CPA6: variants seen among roughly 807,000 people sequenced by gnomAD.
CPA6 encodes carboxypeptidase A6, also known as carboxypeptidase B.
A neutral mutation model predicts 63.3 loss-of-function variants in CPA6; 58 were observed. That is an observed-to-expected ratio of 0.92 (90% confidence interval 0.74 to 1.14). The LOEUF (loss-of-function observed/expected upper bound fraction) is 1.14, where lower values mean the gene tolerates loss of function less well. Among genes scored for constraint, CPA6 ranks in the 50% most tolerant of loss-of-function variants. The probability of loss-of-function intolerance (pLI) is 0.00; values close to 1 mark genes in which losing one functional copy is unlikely to be tolerated. For synonymous variants in CPA6, 185 were observed against 179.0 expected, an observed-to-expected ratio of 1.03 and a Z score of -0.27; for missense variants, 565 against 526.6, an observed-to-expected ratio of 1.07 and a Z score of -0.71.
intron 2 of CPA6, among the ~76,000 whole-genome samples, chr8:67,593,135 A>G (rs376575948): frequency 4.7e-5 from 7 of 150,322 alleles, no homozygotes; most frequent in South Asian, 2.2e-4. Context: ...CCTTCATTTC[A>G]TTATGTACCC....
chr8:67,686,963 T>C (rs1816720623), intron 1 of CPA6, among the ~76,000 whole-genome samples: 1 of 152,182 alleles, frequency 6.6e-6, no homozygotes, highest in Non-Finnish European at 1.5e-5. Flanking sequence ...TGCCAGGTAA[T>C]GGATACCCAC....
chr8:67,522,824 G>C (rs1477953946), intron 2 of CPA6, among the ~76,000 whole-genome samples: 1 of 152,234 alleles, frequency 6.6e-6, no homozygotes. Context: ...GATGCAGTGG[G>C]CAGGCGTGGG....
At chr8:67,431,717 G>A (rs1810031987) in intron 9 of CPA6, among the ~76,000 whole-genome samples, 1 of 151,800 alleles carries the variant, frequency 6.6e-6, no homozygotes, top group Non-Finnish European at 1.5e-5. Flanking sequence ...AAGTATATTT[G>A]ACCTGCAGAG....
At chr8:67,595,593 G>T (rs972910202) in intron 2 of CPA6, among the ~76,000 whole-genome samples, 2 of 152,178 alleles carry the variant, frequency 1.3e-5, no homozygotes, top group South Asian at 4.1e-4. Context: ...AATGGCGGGC[G>T]CCCCTCCCCC....
At chr8:67,653,380 A>C (rs1030891495) in intron 1 of CPA6, among the ~76,000 whole-genome samples, 25 of 152,020 alleles carry the variant, frequency 1.6e-4, no homozygotes, top group Non-Finnish European at 3.2e-4. Flanking sequence ...ACGAGCATGG[A>C]ATGTTCTTCC....
In CPA6 at chr8:67,746,203, AC is replaced by A. The variant is rs1245225987; in HGVS notation, c.-75del. 1.3e-5 allele frequency: 13 copies of A among 1,012,536 alleles called. No homozygotes were observed. The highest frequency in any genetic ancestry group is 1.8e-5 in the Non-Finnish European group (12 of 677,876). The allele number at this position is 1,012,536 out of a possible 1,614,324, so 62.7% of individuals were successfully genotyped here. A position where few individuals can be genotyped will look rare whatever the true frequency, so the allele number is the denominator to read the frequency against. On this transcript the variant is annotated 5_prime_UTR_variant, in exon 1 of 11. Transcript: ENST00000297770. Reference sequence around the variant, plus strand: ...CTGGAGGTGGCTCACAGCACCCTCTACACACCGCACAGGTTCTCCGGGAAGG... The same window carrying A: ...CTGGAGGTGGCTCACAGCACCCTCTAACACCGCACAGGTTCTCCGGGAAGG...
chr8:67,498,470 A>G (rs1321283172), intron 6 of CPA6, among the ~76,000 whole-genome samples: 2 of 135,926 alleles, frequency 1.5e-5, no homozygotes, highest in Non-Finnish European at 3.1e-5. Context: ...TGGAAGGCAG[A>G]GGTTGCAGTG....
intron 8 of CPA6, among the ~76,000 whole-genome samples, chr8:67,442,815 C>G (rs1340934702): frequency 6.6e-6 from 1 of 152,160 alleles, no homozygotes; most frequent in Non-Finnish European, 1.5e-5. Flanking sequence ...GCATTCTCAT[C>G]AAGCCCACAT....
intron 2 of CPA6, among the ~76,000 whole-genome samples, chr8:67,547,499 T>A (rs1170139984): frequency 2.0e-5 from 3 of 148,340 alleles, no homozygotes; most frequent in African/African-American, 5.2e-5. Context: ...TGAATTATAG[T>A]CTTTTTTTTT....
intron 6 of CPA6, among the ~76,000 whole-genome samples, chr8:67,498,811 C>G (rs918443467): frequency 6.6e-6 from 1 of 152,044 alleles, no homozygotes; most frequent in Non-Finnish European, 1.5e-5. Flanking sequence ...CTTCTTAATT[C>G]TACTTACATG....
intron 1 of CPA6, among the ~76,000 whole-genome samples, chr8:67,732,165 A>G (rs1309957213): frequency 6.6e-6 from 1 of 152,218 alleles, no homozygotes; most frequent in East Asian, 1.9e-4. Flanking sequence ...AGTGATACCC[A>G]AAACACATTG....
At chr8:67,497,582 C>T (rs1350007664) in intron 6 of CPA6, among the ~76,000 whole-genome samples, 1 of 152,144 alleles carries the variant, frequency 6.6e-6, no homozygotes, top group East Asian at 1.9e-4. Context: ...TTTCAGTTCT[C>T]TTGGGTACAC....
At chr8:67,638,230 C>A (rs1815514173) in intron 1 of CPA6, among the ~76,000 whole-genome samples, 1 of 151,094 alleles carries the variant, frequency 6.6e-6, no homozygotes. Flanking sequence ...AAAGATAAAA[C>A]CTTAGTGAAA....
At chr8:67,587,284 G>A (rs925391291) in intron 2 of CPA6, among the ~76,000 whole-genome samples, 8 of 152,138 alleles carry the variant, frequency 5.3e-5, no homozygotes, top group Non-Finnish European at 1.0e-4. Context: ...CCAAGTAATT[G>A]ACACTCCTGA....
intron 2 of CPA6, among the ~76,000 whole-genome samples, chr8:67,548,140 T>C (rs1473316797): frequency 4.0e-5 from 2 of 49,938 alleles, no homozygotes; most frequent in Admixed American, 5.2e-4. Context: ...TTCCTCTCTC[T>C]CTCTCTCCCT....
At chr8:67,510,791 A>C (rs755049390) in intron 4 of CPA6, among the ~76,000 whole-genome samples, 35 of 152,304 alleles carry the variant, frequency 2.3e-4, no homozygotes, top group Middle Eastern at 3.4e-3. Context: ...GCGGTGAATA[A>C]GAAAGAAGTG....
intron 1 of CPA6, among the ~76,000 whole-genome samples, chr8:67,642,272 C>G (rs187484755): frequency 6.7e-6 from 1 of 150,264 alleles, no homozygotes; most frequent in Non-Finnish European, 1.5e-5. Context: ...GAGCTGAGAT[C>G]ATGCCATTGC....
At chr8:67,499,933 CT>C (rs1171063681) in intron 6 of CPA6, among the ~76,000 whole-genome samples, 1 of 152,058 alleles carries the variant, frequency 6.6e-6, no homozygotes, top group Non-Finnish European at 1.5e-5. Flanking sequence ...TTTTGGGCTA[CT>C]AAAAATAAAG....
rs114827029 is a variant in CPA6 at position 67,723,737 on chromosome 8, T to G, written c.116+22277A>C. 5.7e-3 allele frequency among the ~76,000 whole-genome samples: 868 copies of G among 152,308 alleles called. 4 individuals are homozygous for G. The highest frequency in any genetic ancestry group is 0.02 in the African/African-American group (817 of 41,570). On this transcript the variant is annotated intron_variant, in intron 1 of 10. Coordinates refer to ENST00000297770, the MANE Select transcript of CPA6 (RefSeq NM_020361.5). ...GGATAAAATTAAGTTATATTCTTCC[T>G]TATACTGTGTACAAAAAAATAATTC... is the stretch of plus-strand genomic sequence containing the variant.
Sources: allele counts gnomAD v4.1 joint callset (sites outside exome capture counted in the v4.1 genomes callset), GRCh38; gene constraint gnomAD v4.1.1; transcripts MANE v1.5; gene names NCBI Gene and HGNC (gene_info 2026-07-23, HGNC 2026-07-21).